The following APP variants were observed in gnomAD, a reference collection of about 807,000 sequenced individuals.
APP encodes amyloid-beta precursor protein.
In APP, 31 loss-of-function variants were observed where a neutral mutation model predicts 101.4. The observed-to-expected ratio is 0.31, with a 90% CI of 0.23 to 0.41. The LOEUF (loss-of-function observed/expected upper bound fraction) is 0.41. APP is among the 10% of genes least tolerant of loss of function. The pLI is 1.00. For missense variants in APP, 839 were observed against 1,003.7 expected (o/e 0.84, Z 2.22); for synonymous variants, 366 against 364.4 (o/e 1.00, Z -0.05).
intron 8 of APP, among the ~76,000 whole-genome samples, chr21:25,995,556 A>C (rs1256350763): frequency 7.0e-6 from 1 of 143,336 alleles, no homozygotes; most frequent in African/African-American, 2.6e-5. Context: ...TACAAAAGGA[A>C]TGAGGAAAAT....
chr21:26,162,230 G>A (rs929122527), intron 1 of APP, among the ~76,000 whole-genome samples: 3 of 152,204 alleles, frequency 2.0e-5, no homozygotes, highest in Admixed American at 6.5e-5. Flanking sequence ...TCTGGAGGCT[G>A]GGGCAGGAAG....
chr21:26,131,629 T>C (rs1422601145), intron 1 of APP, among the ~76,000 whole-genome samples: 1 of 152,204 alleles, frequency 6.6e-6, no homozygotes, highest in African/African-American at 2.4e-5. Context: ...ACTTGAGAAA[T>C]GTCCAGTCAT....
intron 5 of APP, among the ~76,000 whole-genome samples, chr21:26,032,692 T>TA (rs1182172581): frequency 6.6e-6 from 1 of 152,154 alleles, no homozygotes; most frequent in African/African-American, 2.4e-5. Context: ...AATGTATACT[T>TA]ATGACATTTC....
intron 11 of APP, among the ~76,000 whole-genome samples, chr21:25,963,414 A>C (rs2041664694): frequency 6.6e-6 from 1 of 152,226 alleles, no homozygotes; most frequent in African/African-American, 2.4e-5. Context: ...TTTCTTATGG[A>C]AGGCAGTGAA....
intron 8 of APP, among the ~76,000 whole-genome samples, chr21:25,986,223 A>C (rs2042631476): frequency 6.6e-6 from 1 of 152,198 alleles, no homozygotes; most frequent in South Asian, 2.1e-4. Flanking sequence ...ACACAGAGGA[A>C]ACAGGAAGCT....
intron 3 of APP, among the ~76,000 whole-genome samples, chr21:26,063,807 T>G (rs1007257514): frequency 6.6e-6 from 1 of 152,246 alleles, no homozygotes; most frequent in Non-Finnish European, 1.5e-5. Context: ...AATTGTGGGC[T>G]GTGCAAACTG....
chr21:26,115,295 C>A (rs2062410886), intron 1 of APP, among the ~76,000 whole-genome samples: 1 of 143,674 alleles, frequency 7.0e-6, no homozygotes, highest in African/African-American at 2.5e-5. Context: ...TATCAACTCA[C>A]AAAAGCCATG....
chr21:26,123,295 G>C (rs1396555059), intron 1 of APP, among the ~76,000 whole-genome samples: 1 of 152,128 alleles, frequency 6.6e-6, no homozygotes, highest in African/African-American at 2.4e-5. Context: ...TTTTGGTCTA[G>C]GAGAAAGCTG....
Position 25,954,471 on chromosome 21 carries a change from G to A in APP, c.1687+119C>T, listed in dbSNP as rs2041224641. 20 of 919,296 alleles carry A rather than the reference G, an allele frequency of 2.2e-5. 1 individual carries two copies. In the Admixed American group the frequency reaches 3.6e-4, roughly 17 times the overall value. The allele number at this position is 919,296 out of a possible 1,614,324, so 56.9% of individuals were successfully genotyped here. ...CTAGTTCCAGCCTGACAGTTTCATCGTAAAAGGCAAGCTGTTCTATTAACT... is the reference window on the plus strand; with the variant it reads ...CTAGTTCCAGCCTGACAGTTTCATCATAAAAGGCAAGCTGTTCTATTAACT... On this transcript the variant is annotated intron_variant, in intron 13 of 17. Coordinates refer to ENST00000346798, the MANE Select transcript of APP (RefSeq NM_000484.4).
At chr21:26,086,199 A>T (rs962342736) in intron 3 of APP, among the ~76,000 whole-genome samples, 13 of 152,188 alleles carry the variant, frequency 8.5e-5, no homozygotes, top group African/African-American at 2.9e-4. Flanking sequence ...CACATGAGAT[A>T]ATTAATAAAA....
At chr21:26,040,822 G>C (rs369337876) in intron 5 of APP, among the ~76,000 whole-genome samples, 11 of 152,088 alleles carry the variant, frequency 7.2e-5, no homozygotes, top group African/African-American at 1.9e-4. Flanking sequence ...AATGAAGACT[G>C]TTCTCCCAGT....
intron 1 of APP, among the ~76,000 whole-genome samples, chr21:26,126,012 A>G (rs915368395): frequency 2.0e-5 from 3 of 152,206 alleles, no homozygotes; most frequent in African/African-American, 7.2e-5. Context: ...AAAACACAGA[A>G]ATAACAAACT....
At chr21:26,042,241 T>C (rs2045404472) in intron 5 of APP, among the ~76,000 whole-genome samples, 1 of 152,172 alleles carries the variant, frequency 6.6e-6, no homozygotes, top group African/African-American at 2.4e-5. Context: ...AAAAGATATA[T>C]AGTCAAATAC....
intron 13 of APP, among the ~76,000 whole-genome samples, chr21:25,916,977 G>C (rs59946343): frequency 6.6e-6 from 1 of 152,002 alleles, no homozygotes; most frequent in African/African-American, 2.4e-5. Context: ...CAAATGCTTC[G>C]AGGTGGCCAG....
At chr21:26,046,159 T>TG (rs2045600052) in intron 5 of APP, among the ~76,000 whole-genome samples, 1 of 150,228 alleles carries the variant, frequency 6.7e-6, no homozygotes, top group Non-Finnish European at 1.5e-5. Context: ...GAGATCTGGG[T>TG]GGGAAAAAAG....
intron 11 of APP, among the ~76,000 whole-genome samples, chr21:25,958,449 T>C (rs891687799): frequency 2.0e-5 from 3 of 152,242 alleles, no homozygotes; most frequent in African/African-American, 7.2e-5. Context: ...GCTAATTTTT[T>C]TGTATTTTTA....
intron 1 of APP, among the ~76,000 whole-genome samples, chr21:26,147,283 T>C (rs1044091241): frequency 2.6e-5 from 4 of 152,202 alleles, no homozygotes; most frequent in Non-Finnish European, 5.9e-5. Flanking sequence ...TGTTTCCACC[T>C]AGGGTCTCAT....
At chr21:26,151,168 C>G (rs2063261728) in intron 1 of APP, among the ~76,000 whole-genome samples, 1 of 152,168 alleles carries the variant, frequency 6.6e-6, no homozygotes, top group African/African-American at 2.4e-5. Flanking sequence ...ATGTTTTTGA[C>G]TTGTTTTTCA....
intron 13 of APP, among the ~76,000 whole-genome samples, chr21:25,933,184 G>A (rs1436624658): frequency 2.6e-5 from 4 of 152,104 alleles, no homozygotes; most frequent in Admixed American, 2.6e-4. Flanking sequence ...CTTGAACCTT[G>A]AACTGCTGGG....
Sources: allele counts gnomAD v4.1 joint callset (sites outside exome capture counted in the v4.1 genomes callset), GRCh38; gene constraint gnomAD v4.1.1; transcripts MANE v1.5; gene names NCBI Gene and HGNC (gene_info 2026-07-23, HGNC 2026-07-21).